EDA: variants seen among roughly 807,000 people sequenced by gnomAD.
EDA encodes ectodysplasin A, also known as ectodysplasin-A.
Under a neutral mutation model 23.6 loss-of-function variants are expected in EDA, and 2 were observed. The observed-to-expected ratio is 0.08, with a 90% CI of 0.03 to 0.27. The LOEUF is 0.27. EDA is among the 10% of genes least tolerant of loss of function. The pLI is 1.00. For missense variants in EDA, 229 were observed against 324.2 expected (o/e 0.71, Z 2.26); for synonymous variants, 131 against 132.0 (o/e 0.99, Z 0.05).
chrX:69,971,609 G>A (rs760337941), intron 2 of EDA, among the ~76,000 whole-genome samples: 2 of 111,660 alleles, frequency 1.8e-5, no homozygotes, highest in Non-Finnish European at 3.8e-5. Flanking sequence ...AGATCCAGCT[G>A]TAGGCTTCAT....
intron 1 of EDA, among the ~76,000 whole-genome samples, chrX:69,755,279 C>A (rs1181148267): frequency 5.3e-5 from 6 of 112,171 alleles, no homozygotes; most frequent in Non-Finnish European, 1.1e-4. Context: ...TTCCTTCTAA[C>A]AGTTATGACC....
intron 1 of EDA, among the ~76,000 whole-genome samples, chrX:69,703,644 C>T (rs1462305019): frequency 8.9e-6 from 1 of 111,734 alleles, no homozygotes; most frequent in Non-Finnish European, 1.9e-5. Context: ...GTAACTGCTA[C>T]GCAGTACCCT....
intron 1 of EDA, among the ~76,000 whole-genome samples, chrX:69,866,145 A>G (rs2017482235): frequency 9.0e-6 from 1 of 110,994 alleles, no homozygotes; most frequent in African/African-American, 3.3e-5. Flanking sequence ...TCAAACCTTC[A>G]TTCCTGGAGG....
At chrX:69,842,520 G>T (rs1346625600) in intron 1 of EDA, among the ~76,000 whole-genome samples, 1 of 111,859 alleles carries the variant, frequency 8.9e-6, no homozygotes, top group African/African-American at 3.3e-5. Context: ...AAAATATTGG[G>T]GACCACTGTA....
At chrX:69,988,007 A>AC (rs1313636522) in intron 2 of EDA, among the ~76,000 whole-genome samples, 2 of 111,101 alleles carry the variant, frequency 1.8e-5, no homozygotes, top group Non-Finnish European at 3.8e-5. Context: ...AGTAGATTTA[A>AC]CCCCCCACCA....
chrX:69,963,885 T>C (rs1362421231), intron 2 of EDA, among the ~76,000 whole-genome samples: 1 of 111,727 alleles, frequency 9.0e-6, no homozygotes. Context: ...ATACATATAT[T>C]ATAACAAATA....
chrX:69,774,745 A>G (rs1306661142), intron 1 of EDA, among the ~76,000 whole-genome samples: 1 of 111,628 alleles, frequency 9.0e-6, no homozygotes, highest in African/African-American at 3.3e-5. Context: ...TCTTAGCCAT[A>G]TGATATTTGA....
chrX:69,791,697 G>A (rs1295901245), intron 1 of EDA, among the ~76,000 whole-genome samples: 4 of 110,971 alleles, frequency 3.6e-5, no homozygotes, highest in African/African-American at 1.3e-4. Context: ...AGGCTGGAGT[G>A]CAGTGGTACT....
Position 70,035,774 on chromosome X carries a change from C to A in EDA, c.*165C>A. ...AGTGACTCCAGGGTGACAAGGCCTG[C>A]TTGACTTTCCAGAATGACCTTGAGT... On this transcript the variant is annotated 3_prime_UTR_variant, in exon 8 of 8. Coordinates refer to ENST00000374552, the MANE Select transcript of EDA (RefSeq NM_001399.5). 1 of 615,010 alleles carries A rather than the reference C, an allele frequency of 1.6e-6. No homozygotes were observed. Among genetic ancestry groups the A allele is most frequent in the Non-Finnish European group, 2.5e-6 (1 of 400,160 alleles). 50.7% of individuals were successfully genotyped at this position (615,010 alleles called of 1,213,427 possible).
At chrX:69,707,615 G>A (rs568251350) in intron 1 of EDA, among the ~76,000 whole-genome samples, 13 of 111,685 alleles carry the variant, frequency 1.2e-4, no homozygotes, top group Middle Eastern at 4.7e-3. Flanking sequence ...CCTTTTGTAA[G>A]GAGTTTTCCC....
intron 1 of EDA, among the ~76,000 whole-genome samples, chrX:69,728,581 G>A (rs1266856926): frequency 1.8e-5 from 2 of 112,242 alleles, no homozygotes; most frequent in Non-Finnish European, 3.8e-5. Context: ...AGATTCAACT[G>A]GAAAAGTTGG....
At chrX:69,621,642 A>T (rs1265222416) in intron 1 of EDA, among the ~76,000 whole-genome samples, 1 of 112,290 alleles carries the variant, frequency 8.9e-6, no homozygotes, top group African/African-American at 3.2e-5. Context: ...ATATAAATGA[A>T]ATCAAACAGT....
intron 1 of EDA, among the ~76,000 whole-genome samples, chrX:69,798,876 G>C (rs1302425379): frequency 9.0e-6 from 1 of 111,073 alleles, no homozygotes; most frequent in Non-Finnish European, 1.9e-5. Context: ...AACCACAAAA[G>C]ACCCAGAATA....
chrX:69,814,940 C>CA (rs2016042640), intron 1 of EDA, among the ~76,000 whole-genome samples: 1 of 111,686 alleles, frequency 9.0e-6, no homozygotes, highest in African/African-American at 3.3e-5. Context: ...CAGGCATACA[C>CA]AGAGACCCAG....
At chrX:69,748,287 T>C (rs2013687345) in intron 1 of EDA, among the ~76,000 whole-genome samples, 1 of 111,417 alleles carries the variant, frequency 9.0e-6, no homozygotes, top group Non-Finnish European at 1.9e-5. Context: ...CTGTTGAATC[T>C]GTAATAGGAA....
At chrX:69,906,722 T>C in intron 1 of EDA, among the ~76,000 whole-genome samples, 1 of 111,587 alleles carries the variant, frequency 9.0e-6, no homozygotes, top group Non-Finnish European at 1.9e-5. Context: ...AAGTCAGGTT[T>C]ATTGGCACGC....
chrX:69,889,454 G>A (rs1318877908), intron 1 of EDA, among the ~76,000 whole-genome samples: 1 of 111,314 alleles, frequency 9.0e-6, no homozygotes, highest in Non-Finnish European at 1.9e-5. Flanking sequence ...CTGGCCTTCT[G>A]GTTTGTTTTT....
intron 2 of EDA, among the ~76,000 whole-genome samples, chrX:69,971,095 C>T (rs776975952): frequency 8.9e-6 from 1 of 111,738 alleles, no homozygotes; most frequent in African/African-American, 3.2e-5. Flanking sequence ...ATCTGTAGGA[C>T]CTTAACAATA....
chrX:69,622,163 G>A (rs983099392), intron 1 of EDA, among the ~76,000 whole-genome samples: 1 of 111,862 alleles, frequency 8.9e-6, no homozygotes, highest in Non-Finnish European at 1.9e-5. Context: ...GGGCTATTAC[G>A]GATGCTGATG....
Sources: gnomAD v4.1 joint callset for allele counts (sites outside exome capture counted in the v4.1 genomes callset) on GRCh38, gnomAD v4.1.1 for gene constraint, MANE v1.5 for transcripts, NCBI Gene and HGNC (gene_info 2026-07-23, HGNC 2026-07-21) for gene names.